The following LOXL2 variants were observed in gnomAD, a reference collection of about 807,000 sequenced individuals.
LOXL2 encodes the protein lysyl oxidase like 2, also known as lysyl oxidase homolog 2.
Under a neutral mutation model 93.0 loss-of-function variants are expected in LOXL2, and 70 were observed. That is an observed-to-expected ratio of 0.75 (90% CI 0.62 to 0.92). The LOEUF (loss-of-function observed/expected upper bound fraction) is 0.92. Ranked by LOEUF, LOXL2 falls within the 40% of genes least tolerant of loss-of-function variation. The pLI is 0.00. For synonymous variants in LOXL2, 438 were observed against 413.2 expected (o/e 1.06, Z -0.73); for missense variants, 973 against 1,054.9 (o/e 0.92, Z 1.08).
chr8:23,376,396 TTC>T (rs1804593582), intron 1 of LOXL2, among the ~76,000 whole-genome samples: 2 of 152,186 alleles, frequency 1.3e-5, no homozygotes, highest in South Asian at 2.1e-4. Context: ...TGGTCTAAAA[TTC>T]TCTTTTTTTG....
rs201427986 is a variant in LOXL2, at chr8:23,401,999, CACAA to C, written c.-84+1951_-84+1954del. Among the ~76,000 whole-genome samples the C allele has an allele frequency of 8.2e-3, 1,245 of 152,368 alleles. 18 individuals carry two copies. The highest frequency in any genetic ancestry group is 0.028 in the African/African-American group (1,151 of 41,584). ...ACAGGGAAGCAAATGCACATGCATG[CACAA>C]ACACACATATACATATACACACGTG... is the stretch of plus-strand genomic sequence containing the variant. On this transcript the variant is annotated intron_variant, in intron 1 of 13. Coordinates refer to ENST00000389131, the MANE Select transcript of LOXL2 (RefSeq NM_002318.3).
intron 9 of LOXL2, among the ~76,000 whole-genome samples, chr8:23,313,246 C>T (rs934438891): frequency 6.6e-6 from 1 of 152,036 alleles, no homozygotes; most frequent in African/African-American, 2.4e-5. Flanking sequence ...GATTCAATGC[C>T]ATCCCCATCA....
At position 23,335,051 on chromosome 8, in the gene LOXL2, G is replaced by A. The variant is rs116959470; in HGVS notation, c.744-1428C>T. Reference sequence around the variant, plus strand: ...GCTGCTCTCGAACTCCTGACCTCAGGTAATCTGCCTCCCTCGGCCTCCCAA... The same window carrying A: ...GCTGCTCTCGAACTCCTGACCTCAGATAATCTGCCTCCCTCGGCCTCCCAA... On this transcript the variant is annotated intron_variant, in intron 4 of 13. Transcript: ENST00000389131. Among the ~76,000 whole-genome samples the A allele has an allele frequency of 2.6e-5, 4 of 152,252 alleles. No homozygotes were observed. In the East Asian group the frequency reaches 7.7e-4, roughly 29 times the overall value.
At chr8:23,341,343 C>A (rs1430720348) in intron 3 of LOXL2, 140 bp from the exon 4 acceptor site, 1 of 692,872 alleles carries the variant, frequency 1.4e-6, no homozygotes, top group East Asian at 2.7e-5. Context: ...GCAGTGAGCT[C>A]TGGGCAACCC....
intron 1 of LOXL2, among the ~76,000 whole-genome samples, chr8:23,401,324 G>A (rs1331075709): frequency 6.6e-6 from 1 of 152,114 alleles, no homozygotes; most frequent in East Asian, 1.9e-4. Flanking sequence ...TATAAAAAAA[G>A]ACATTTTGAG....
At chr8:23,365,680 C>T (rs73549817) in intron 2 of LOXL2, 20 of 152,280 alleles carry the variant, frequency 1.3e-4, no homozygotes, top group African/African-American at 4.3e-4. Flanking sequence ...CTGCTCCAGC[C>T]GCTGTCCCAT....
chr8:23,319,934 A>G lies in LOXL2; in HGVS notation c.1421T>C (p.Met474Thr), dbSNP rs747308435. 1.4e-5 allele frequency: 22 copies of G among 1,613,856 alleles called. 1 individual carries two copies. The highest frequency in any genetic ancestry group is 2.7e-5 in the African/African-American group (2 of 74,906). ...CAGGCCCAGCTGGCGGCAGACCACC[A>G]TGGCCTCCACGATGCCCCAGTTTTG... ...CGQNWGIVEA[M>T]VVCRQLGLGF... The change falls in exon 8 of 14, where the codon ATG becomes ACG. Residue 474 changes from methionine to threonine, a missense_variant. Met to Thr is a moderately conservative substitution (Grantham distance 81, BLOSUM62 -1). Transcript: ENST00000389131.
At chr8:23,301,839 T>C (rs1803137161) in intron 12 of LOXL2, among the ~76,000 whole-genome samples, 188 bp downstream of exon 12, 1 of 152,210 alleles carries the variant, frequency 6.6e-6, no homozygotes, top group Non-Finnish European at 1.5e-5. Flanking sequence ...GCACGCCCTA[T>C]TTCTCAGGCC....
intron 3 of LOXL2, among the ~76,000 whole-genome samples, chr8:23,343,801 G>A (rs965949946): frequency 3.3e-5 from 5 of 152,186 alleles, no homozygotes; most frequent in African/African-American, 9.7e-5. Context: ...ACCAAGACAC[G>A]TGGACAGGGG....
intron 1 of LOXL2, among the ~76,000 whole-genome samples, chr8:23,380,782 G>A (rs1016834298): frequency 6.6e-6 from 1 of 152,154 alleles, no homozygotes; most frequent in East Asian, 1.9e-4. Context: ...GGGAGGCTAA[G>A]GTGGCCAATC....
chr8:23,328,850 C>T, intron 5 of LOXL2: 1 of 370,800 alleles, frequency 2.7e-6, no homozygotes, highest in Admixed American at 4.2e-5. Context: ...CCCTGGGGAG[C>T]CCATTGGGGA....
intron 9 of LOXL2, among the ~76,000 whole-genome samples, chr8:23,312,977 A>C (rs1355379899): frequency 6.8e-6 from 1 of 146,812 alleles, no homozygotes; most frequent in Non-Finnish European, 1.5e-5. Flanking sequence ...TCAATGTACA[A>C]AAATCACAAG....
Position 23,360,159 on chromosome 8 carries a change from G to T in LOXL2, c.462C>A (p.Val154=). The T allele has an allele frequency of 6.2e-7, 1 of 1,614,048 alleles. No homozygotes were observed. Among genetic ancestry groups the T allele is most frequent in the Admixed American group, 1.7e-5 (1 of 60,018 alleles). Residue 154 remains valine (V), a synonymous_variant, in exon 3 of 14, where the codon GTC becomes GTA. Transcript: ENST00000389131. Reference sequence around the variant, plus strand: ...TCCTTTTGTCGCTGCACACCACACCGACATCCTCCGTGTGCTTGCAGTCAG... The same window carrying T: ...TCCTTTTGTCGCTGCACACCACACCTACATCCTCCGTGTGCTTGCAGTCAG... ...GVTDCKHTED[V]GVVCSDKRIP... is the part of the protein sequence containing the mutation.
At chr8:23,348,925 G>A (rs191120975) in intron 3 of LOXL2, among the ~76,000 whole-genome samples, 454 of 152,144 alleles carry the variant, frequency 3.0e-3, no homozygotes, top group African/African-American at 7.7e-3. Flanking sequence ...TGGCCTCCCA[G>A]ATACAGACCC....
At chr8:23,323,360 G>T (rs1041062009) in intron 6 of LOXL2, among the ~76,000 whole-genome samples, 2 of 152,174 alleles carry the variant, frequency 1.3e-5, no homozygotes, top group Non-Finnish European at 2.9e-5. Flanking sequence ...GGGCTGATCT[G>T]GTCCAAACGC....
intron 3 of LOXL2, among the ~76,000 whole-genome samples, chr8:23,358,623 G>A (rs941840351): frequency 6.6e-6 from 1 of 152,208 alleles, no homozygotes; most frequent in Admixed American, 6.5e-5. Flanking sequence ...CCCCACATAT[G>A]TTGCACATAA....
At chr8:23,402,271 A>G (rs1396598402) in intron 1 of LOXL2, among the ~76,000 whole-genome samples, 1 of 152,154 alleles carries the variant, frequency 6.6e-6, no homozygotes, top group African/African-American at 2.4e-5. Context: ...AGACACACAC[A>G]TGCACACATA....
intron 2 of LOXL2, among the ~76,000 whole-genome samples, chr8:23,366,995 G>T (rs539469841): frequency 6.6e-6 from 1 of 152,156 alleles, no homozygotes; most frequent in Non-Finnish European, 1.5e-5. Context: ...TAGGTTCAGG[G>T]CTTCAAACTT....
At chr8:23,329,741 T>C (rs946689268) in intron 5 of LOXL2, among the ~76,000 whole-genome samples, 1 of 152,220 alleles carries the variant, frequency 6.6e-6, no homozygotes. Flanking sequence ...ATGTTGTCCT[T>C]AGCCCAGAAC....
Sources: allele counts gnomAD v4.1 joint callset (sites outside exome capture counted in the v4.1 genomes callset), GRCh38; gene constraint gnomAD v4.1.1; transcripts MANE v1.5; gene names NCBI Gene and HGNC (gene_info 2026-07-23, HGNC 2026-07-21).